Variants in TEAD1 observed in about 807,000 individuals in gnomAD.
The protein encoded by TEAD1 is TEA domain transcription factor 1, also known as transcriptional enhancer factor TEF-1.
Under a neutral mutation model 54.9 loss-of-function variants are expected in TEAD1, and 9 were observed. The ratio of observed to expected loss-of-function variants is 0.16; its 90% CI spans 0.10 to 0.29. The LOEUF is 0.29. Ranked by LOEUF, TEAD1 falls within the 10% of genes least tolerant of loss-of-function variation. The pLI, the probability that TEAD1 is intolerant of heterozygous loss-of-function variation, is 1.00. For missense variants in TEAD1, 387 were observed against 535.9 expected (o/e 0.72, Z 2.74); for synonymous variants, 200 against 187.8 (o/e 1.07, Z -0.53).
chr11:12,883,837 C>G (rs1162491817), intron 9 of TEAD1, among the ~76,000 whole-genome samples: 4 of 151,978 alleles, frequency 2.6e-5, no homozygotes, highest in Non-Finnish European at 5.9e-5. Flanking sequence ...CATGGTGAAA[C>G]CCCGTCTCTA....
chr11:12,791,918 A>G (rs1436710307), intron 3 of TEAD1, among the ~76,000 whole-genome samples: 1 of 152,226 alleles, frequency 6.6e-6, no homozygotes, highest in African/African-American at 2.4e-5. Flanking sequence ...ATCTAAATGC[A>G]CCATAGTATA....
intron 2 of TEAD1, among the ~76,000 whole-genome samples, chr11:12,684,315 G>A (rs1293236696): frequency 1.3e-5 from 2 of 152,230 alleles, no homozygotes; most frequent in African/African-American, 4.8e-5. Context: ...AAACTGGATA[G>A]CATGGTGCAA....
chr11:12,897,266 G>A (rs1180030568), intron 9 of TEAD1, among the ~76,000 whole-genome samples: 3 of 152,176 alleles, frequency 2.0e-5, no homozygotes, highest in Non-Finnish European at 4.4e-5. Flanking sequence ...ATTTATTTGG[G>A]AAGGAGAGAA....
chr11:12,888,026 G>C (rs1437603691), intron 9 of TEAD1, among the ~76,000 whole-genome samples: 1 of 152,178 alleles, frequency 6.6e-6, no homozygotes, highest in Non-Finnish European at 1.5e-5. Flanking sequence ...TATAGGTAGT[G>C]CTGGCAAAAA....
At chr11:12,705,545 A>G (rs1398355098) in intron 2 of TEAD1, among the ~76,000 whole-genome samples, 1 of 152,110 alleles carries the variant, frequency 6.6e-6, no homozygotes, top group Non-Finnish European at 1.5e-5. Flanking sequence ...AAACATGAGT[A>G]AAACCAATTC....
chr11:12,800,430 A>C (rs1365707790), intron 3 of TEAD1, among the ~76,000 whole-genome samples: 1 of 152,222 alleles, frequency 6.6e-6, no homozygotes, highest in Non-Finnish European at 1.5e-5. Context: ...AAATTAGATA[A>C]GGCTTCTGCT....
intron 2 of TEAD1, among the ~76,000 whole-genome samples, chr11:12,762,587 G>A (rs892119746): frequency 6.6e-6 from 1 of 152,098 alleles, no homozygotes; most frequent in Non-Finnish European, 1.5e-5. Context: ...TGGCTCAGTA[G>A]CAGCATTTAA....
At chr11:12,842,014 T>C (rs1287411604) in intron 3 of TEAD1, among the ~76,000 whole-genome samples, 2 of 152,278 alleles carry the variant, frequency 1.3e-5, no homozygotes, top group East Asian at 3.9e-4. Context: ...ATGTGCCGAA[T>C]TCTGAATCAA....
At chr11:12,744,405 A>AC (rs1944706263) in intron 2 of TEAD1, among the ~76,000 whole-genome samples, 1 of 151,998 alleles carries the variant, frequency 6.6e-6, no homozygotes, top group Non-Finnish European at 1.5e-5. Flanking sequence ...TAGCATATCC[A>AC]CCCCCCAGAA....
chr11:12,707,400 T>G (rs188295327), intron 2 of TEAD1, among the ~76,000 whole-genome samples: 1 of 152,326 alleles, frequency 6.6e-6, no homozygotes, highest in Admixed American at 6.5e-5. Flanking sequence ...AGGCACATAT[T>G]CACGTTTAAT....
Position 12,935,475 on chromosome 11 carries a change from T to TA in TEAD1, c.1168-1634_1168-1633insA, listed in dbSNP as rs532671326. Among the ~76,000 whole-genome samples, 758 of 152,190 alleles carry TA rather than the reference T, an allele frequency of 5.0e-3. 7 individuals are homozygous for TA. The highest frequency in any genetic ancestry group is 0.017 in the African/African-American group (725 of 41,476). ...TTATTTATTTATTTATTTATTTATT[T>TA]TTGAGGTAGAGTCTTGCTCTGTTGC... On this transcript the variant is annotated intron_variant, in intron 12 of 12. Transcript: ENST00000527636.
chr11:12,816,430 A>C (rs1318871047), intron 3 of TEAD1, among the ~76,000 whole-genome samples: 1 of 152,124 alleles, frequency 6.6e-6, no homozygotes, highest in Non-Finnish European at 1.5e-5. Flanking sequence ...CTCTTTTTCC[A>C]GGGGATTTCA....
intron 3 of TEAD1, among the ~76,000 whole-genome samples, chr11:12,833,402 A>G (rs560664109): frequency 1.3e-5 from 2 of 152,324 alleles, no homozygotes; most frequent in Admixed American, 6.5e-5. Flanking sequence ...ATTTTAATGC[A>G]GGGTACAACA....
In TEAD1 at chr11:12,787,962, C is replaced by CT. The variant is rs35774588; in HGVS notation, c.202+23545dup. Among the ~76,000 whole-genome samples the CT allele has an allele frequency of 2.1e-3, 274 of 131,666 alleles. 2 individuals carry two copies. The highest frequency in any genetic ancestry group is 3.8e-3 in the Middle Eastern group (1 of 260). 86.4% of individuals were successfully genotyped at this position (131,666 alleles called of 152,430 possible). A position where few individuals can be genotyped will look rare whatever the true frequency, so the allele number is the denominator to read the frequency against. Reference sequence around the variant, plus strand: ...CTCTTCAGACTGTATAAATCTTTCACTTTTTTTTTTTTTTTTTGAGATGGA... The same window carrying CT: ...CTCTTCAGACTGTATAAATCTTTCACTTTTTTTTTTTTTTTTTTGAGATGGA... On this transcript the variant is annotated intron_variant, in intron 3 of 12. Coordinates refer to ENST00000527636, the MANE Select transcript of TEAD1 (RefSeq NM_021961.6).
intron 3 of TEAD1, among the ~76,000 whole-genome samples, chr11:12,789,386 A>G (rs1945749524): frequency 6.6e-6 from 1 of 152,210 alleles, no homozygotes; most frequent in Admixed American, 6.5e-5. Flanking sequence ...TATATTCATA[A>G]AATGTATTTG....
At chr11:12,933,955 C>T (rs987060958) in intron 12 of TEAD1, among the ~76,000 whole-genome samples, 6 of 152,230 alleles carry the variant, frequency 3.9e-5, no homozygotes, top group Admixed American at 3.9e-4. Context: ...AAACTAGTTC[C>T]AACCATTGTG....
At chr11:12,741,747 C>T (rs60418594) in intron 2 of TEAD1, among the ~76,000 whole-genome samples, 78 of 152,174 alleles carry the variant, frequency 5.1e-4, no homozygotes, top group African/African-American at 1.8e-3. Flanking sequence ...GTCTTTTTTC[C>T]CCCTGCCTTG....
At chr11:12,837,636 G>A (rs577806103) in intron 3 of TEAD1, among the ~76,000 whole-genome samples, 6 of 151,696 alleles carry the variant, frequency 4.0e-5, no homozygotes, top group East Asian at 1.9e-4. Flanking sequence ...TTGTGTTCAC[G>A]CATCTCTGGT....
At chr11:12,826,915 C>A (rs533703780) in intron 3 of TEAD1, among the ~76,000 whole-genome samples, 6 of 152,300 alleles carry the variant, frequency 3.9e-5, no homozygotes, top group Admixed American at 6.5e-5. Flanking sequence ...GCAGCAAATT[C>A]TTCTTGTCAC....
Sources: allele counts gnomAD v4.1 joint callset (sites outside exome capture counted in the v4.1 genomes callset), GRCh38; gene constraint gnomAD v4.1.1; transcripts MANE v1.5; gene names NCBI Gene and HGNC (gene_info 2026-07-23, HGNC 2026-07-21).